ROBO2: variants seen among roughly 807,000 people sequenced by gnomAD.
The protein encoded by ROBO2 is roundabout homolog 2.
A neutral mutation model predicts 160.8 loss-of-function variants in ROBO2; 53 were observed. The observed-to-expected ratio is 0.33, with a 90% CI of 0.26 to 0.41. ROBO2 has a LOEUF of 0.41. ROBO2 is among the 10% of genes least tolerant of loss of function. The pLI, the probability that ROBO2 is intolerant of heterozygous loss-of-function variation, is 1.00. For missense variants in ROBO2, 1,577 were observed against 1,722.4 expected (o/e 0.92, Z 1.49); for synonymous variants, 664 against 611.7 (o/e 1.09, Z -1.26).
intron 2 of ROBO2, among the ~76,000 whole-genome samples, chr3:76,412,009 G>A (rs955693324): frequency 3.9e-5 from 6 of 151,998 alleles, no homozygotes; most frequent in Non-Finnish European, 5.9e-5. Context: ...TGAGACTAGG[G>A]AAAAAAATGG....
intron 2 of ROBO2, among the ~76,000 whole-genome samples, chr3:77,338,294 CT>C (rs1367547400): frequency 1.3e-5 from 2 of 152,080 alleles, no homozygotes; most frequent in African/African-American, 4.8e-5. Context: ...ATCAAGGGCA[CT>C]TTGTTTTTTA....
intron 2 of ROBO2, among the ~76,000 whole-genome samples, chr3:76,483,734 T>C (rs1055884965): frequency 2.6e-5 from 4 of 152,112 alleles, no homozygotes; most frequent in African/African-American, 9.7e-5. Flanking sequence ...CACCCTCTGA[T>C]AGGCCCCAGT....
At chr3:77,342,407 T>G (rs2067165930) in intron 2 of ROBO2, among the ~76,000 whole-genome samples, 1 of 152,168 alleles carries the variant, frequency 6.6e-6, no homozygotes, top group African/African-American at 2.4e-5. Flanking sequence ...ACAGACCGTC[T>G]TCTCTGGTTG....
chr3:76,611,587 T>C (rs1324826589), intron 2 of ROBO2, among the ~76,000 whole-genome samples: 1 of 152,178 alleles, frequency 6.6e-6, no homozygotes. Context: ...CTAAGGATCC[T>C]TTGAATTTCT....
chr3:77,546,120 C>T (rs537744769), intron 6 of ROBO2, among the ~76,000 whole-genome samples: 1 of 152,236 alleles, frequency 6.6e-6, no homozygotes, highest in South Asian at 2.1e-4. Context: ...CAATGTACAA[C>T]ATATAAAATA....
intron 2 of ROBO2, among the ~76,000 whole-genome samples, chr3:76,470,428 G>T (rs772417771): frequency 7.9e-5 from 12 of 152,052 alleles, no homozygotes; most frequent in African/African-American, 1.4e-4. Context: ...TCATCTGAAG[G>T]CTTCAGGAAG....
intron 2 of ROBO2, among the ~76,000 whole-genome samples, chr3:75,967,684 C>T (rs890008752): frequency 3.3e-5 from 5 of 151,474 alleles, no homozygotes; most frequent in Non-Finnish European, 5.9e-5. Flanking sequence ...ATTATAATTT[C>T]GTATATAATT....
At chr3:77,165,227 T>C (rs1199304901) in intron 2 of ROBO2, among the ~76,000 whole-genome samples, 11 of 150,250 alleles carry the variant, frequency 7.3e-5, no homozygotes, top group Non-Finnish European at 1.5e-4. Flanking sequence ...AGAAAAATTC[T>C]TCTGCCTTGG....
At chr3:77,533,613 C>G (rs1223881066) in intron 6 of ROBO2, among the ~76,000 whole-genome samples, 1 of 152,134 alleles carries the variant, frequency 6.6e-6, no homozygotes, top group Non-Finnish European at 1.5e-5. Context: ...AGCCTTCGCA[C>G]ATTGCTGCCA....
chr3:77,581,471 A>C (rs2093917922), intron 16 of ROBO2, among the ~76,000 whole-genome samples: 2 of 152,108 alleles, frequency 1.3e-5, no homozygotes, highest in African/African-American at 4.8e-5. Flanking sequence ...GGTAACTGCA[A>C]TGTGGTTAAA....
At chr3:77,265,865 A>T (rs945947587) in intron 2 of ROBO2, among the ~76,000 whole-genome samples, 1 of 152,184 alleles carries the variant, frequency 6.6e-6, no homozygotes, top group Non-Finnish European at 1.5e-5. Flanking sequence ...TTTTACATCA[A>T]TAGACTACTT....
chr3:76,064,231 C>T (rs183527833), intron 2 of ROBO2, among the ~76,000 whole-genome samples: 37 of 152,230 alleles, frequency 2.4e-4, no homozygotes, highest in African/African-American at 7.9e-4. Context: ...AAATAATGCT[C>T]GTGTGTTGTG....
intron 2 of ROBO2, among the ~76,000 whole-genome samples, chr3:76,801,717 C>T (rs2597263): frequency 0.85 from 128,618 of 152,146 alleles, 54,498 homozygotes; most frequent in African/African-American, 0.87. Flanking sequence ...TAATTTCCTT[C>T]AAGAACTTTC....
intron 2 of ROBO2, among the ~76,000 whole-genome samples, chr3:76,475,011 G>A: frequency 6.6e-6 from 1 of 151,990 alleles, no homozygotes; most frequent in East Asian, 1.9e-4. Flanking sequence ...CCTAAACAAG[G>A]AAAAGGCTGA....
chr3:77,636,014 G>A (rs756301939), intron 24 of ROBO2, among the ~76,000 whole-genome samples: 1 of 152,104 alleles, frequency 6.6e-6, no homozygotes, highest in African/African-American at 2.4e-5. Flanking sequence ...TAGCGGAAGG[G>A]ACAAGGTTCT....
At chr3:76,141,157 CTCTATATATATA>C (rs1199885145) in intron 2 of ROBO2, among the ~76,000 whole-genome samples, 1 of 17,958 alleles carries the variant, frequency 5.6e-5, no homozygotes, top group African/African-American at 2.4e-4. Context: ...CTCTCTCTCT[CTCTATATATATA>C]TATATATATA....
At chr3:76,820,899 A>T (rs904985214) in intron 2 of ROBO2, among the ~76,000 whole-genome samples, 7 of 151,894 alleles carry the variant, frequency 4.6e-5, no homozygotes, top group African/African-American at 1.7e-4. Context: ...TATGCAGAGA[A>T]TTTTCCAAGT....
At position 77,568,307 on chromosome 3, in the gene ROBO2, C is replaced by T. The variant is rs751075035; in HGVS notation, c.1850-6C>T. ...AGGTGGGAATGATTCTCTTCTCTAA[C>T]TGCAGATATCAGCCCACCAGCACAA... is the stretch of plus-strand genomic sequence containing the variant. On this transcript the variant is annotated splice_polypyrimidine_tract_variant and splice_region_variant and intron_variant, in intron 12 of 25. Transcript: ENST00000461745. 2 of 1,612,484 alleles carry T rather than the reference C, an allele frequency of 1.2e-6. No homozygotes were observed. Among genetic ancestry groups the T allele is most frequent in the Admixed American group, 3.3e-5 (2 of 59,826 alleles).
chr3:77,432,860 C>T (rs377714667), intron 2 of ROBO2, among the ~76,000 whole-genome samples: 1 of 152,174 alleles, frequency 6.6e-6, no homozygotes, highest in Non-Finnish European at 1.5e-5. Context: ...TTTCCCGTCC[C>T]TCCAGACAGT....
Sources: allele counts gnomAD v4.1 joint callset (sites outside exome capture counted in the v4.1 genomes callset), GRCh38; gene constraint gnomAD v4.1.1; transcripts MANE v1.5; gene names NCBI Gene and HGNC (gene_info 2026-07-23, HGNC 2026-07-21).